The following KIFC3 variants were observed in gnomAD, a reference collection of about 807,000 sequenced individuals.
KIFC3 encodes kinesin-like protein KIFC3.
A neutral mutation model predicts 101.8 loss-of-function variants in KIFC3; 60 were observed. The observed-to-expected ratio is 0.59, with a 90% CI of 0.48 to 0.73. The LOEUF (loss-of-function observed/expected upper bound fraction) is 0.73. Ranked by LOEUF, KIFC3 falls within the 30% of genes least tolerant of loss-of-function variation. KIFC3 has a pLI of 0.00. For missense variants in KIFC3, 966 were observed against 1,137.1 expected, an observed-to-expected ratio of 0.85 and a Z score of 2.16; for synonymous variants, 476 against 482.7, an observed-to-expected ratio of 0.99 and a Z score of 0.18.
rs1320455315 is a variant in KIFC3 at position 57,798,191 on chromosome 16, C to A, written c.53G>T (p.Gly18Val). 3 of 1,543,236 alleles carry A rather than the reference C, an allele frequency of 1.9e-6. No individual in the cohort carries two copies. The highest frequency in any genetic ancestry group is 2.6e-6 in the Non-Finnish European group (3 of 1,144,470). Residue 18 changes from glycine (G) to valine (V), a missense_variant, in exon 2 of 20, where the codon GGC becomes GTC. Gly to Val is a moderately radical substitution (Grantham distance 109, BLOSUM62 -3). This residue lies in a region of KIFC3 where 277 missense variants were observed against 252.5 expected (regional missense o/e 1.10). Transcript: ENST00000445690. ...WNLGATPSLR[G>V]LWRVGRAPEP... is the part of the protein sequence containing the mutation. Reference sequence around the variant, plus strand: ...CGGGGCCCGGCCCACTCTCCACAGGCCCCGCAGCGAGGGCGTGGCTCCCAG... The same window carrying A: ...CGGGGCCCGGCCCACTCTCCACAGGACCCGCAGCGAGGGCGTGGCTCCCAG...
intron 1 of KIFC3, among the ~76,000 whole-genome samples, chr16:57,815,261 T>C (rs1235518637): frequency 2.0e-5 from 3 of 152,074 alleles, no homozygotes; most frequent in Non-Finnish European, 4.4e-5. Context: ...CCTGGATAAA[T>C]GGTGCCCAAG....
chr16:57,778,726 A>G (rs2052399493), intron 3 of KIFC3, among the ~76,000 whole-genome samples: 1 of 152,176 alleles, frequency 6.6e-6, no homozygotes, highest in Admixed American at 6.6e-5. Flanking sequence ...ATGAGATACC[A>G]CTGCACACCT....
Position 57,759,732 on chromosome 16 carries a change from G to C in KIFC3, c.2472C>G (p.Pro824=). ...RPGSIRRKLQ[P]SA is the part of the protein sequence containing the mutation. ...ACACTGCCACTCCAGGCTCACCCGA[G>C]GGCTGCAGCTTCCTCCGGATGGATC... The change falls in exon 18 of 20, where the codon CCC becomes CCG. Residue 824 remains proline (P), a synonymous_variant. Transcript: ENST00000445690. The C allele has an allele frequency of 6.2e-7, 1 of 1,608,874 alleles. No homozygotes were observed. Among genetic ancestry groups the C allele is most frequent in the South Asian group, 1.1e-5 (1 of 90,188 alleles).
intron 3 of KIFC3, among the ~76,000 whole-genome samples, chr16:57,789,109 G>A (rs576548477): frequency 4.3e-4 from 66 of 152,312 alleles, no homozygotes; most frequent in African/African-American, 1.5e-3. Flanking sequence ...TCAACCTCAG[G>A]GCAACTGCTC....
In KIFC3 at chr16:57,802,053, T is replaced by C. The variant is rs145555975; in HGVS notation, c.-40+317A>G. On this transcript the variant is annotated intron_variant, in intron 1 of 19. Transcript: ENST00000445690. The surrounding 1 kb of genome is among the most constrained non-coding windows in gnomAD (Gnocchi z 5.0). ...CAGGAAGGGGAGAGGGCGGCGCCGA[T>C]TGACAAGCCCATCCCGGGTAGGGTC... Among the ~76,000 whole-genome samples the C allele has an allele frequency of 7.0e-3, 1,070 of 152,290 alleles. 11 individuals carry two copies. Among genetic ancestry groups the C allele is most frequent in the African/African-American group, 0.024 (1,018 of 41,576 alleles).
intron 3 of KIFC3, among the ~76,000 whole-genome samples, chr16:57,784,132 G>T (rs2053061533): frequency 1.3e-5 from 2 of 152,248 alleles, no homozygotes; most frequent in African/African-American, 4.8e-5. Flanking sequence ...CCCAGGCAGA[G>T]CCTCCACCAG....
intron 11 of KIFC3, 73 bp downstream of exon 11, chr16:57,765,386 C>A: frequency 7.0e-7 from 1 of 1,436,750 alleles, no homozygotes; most frequent in South Asian, 1.4e-5. Context: ...TCCTGCCCAG[C>A]GCCCCCGCTC....
At chr16:57,772,115 G>GA (rs2051316216) in intron 4 of KIFC3, 108 bp downstream of exon 4, 1 of 890,474 alleles carries the variant, frequency 1.1e-6, no homozygotes, top group East Asian at 2.4e-5. Context: ...GACAGGGTGG[G>GA]ATATGCGGGC....
intron 1 of KIFC3, among the ~76,000 whole-genome samples, chr16:57,823,054 G>T (rs909127804): frequency 3.3e-5 from 5 of 152,154 alleles, no homozygotes; most frequent in Admixed American, 6.5e-5. Context: ...AGAGGGTTTG[G>T]ACAAGCCTCA....
intron 1 of KIFC3, among the ~76,000 whole-genome samples, chr16:57,826,248 T>C (rs1568090710): frequency 6.6e-6 from 1 of 152,238 alleles, no homozygotes; most frequent in Non-Finnish European, 1.5e-5. Flanking sequence ...CTTCACCCTG[T>C]TGGAAAGCTC....
At chr16:57,771,744 A>G in intron 4 of KIFC3, 58 bp from the exon 5 acceptor site, 1 of 1,565,468 alleles carries the variant, frequency 6.4e-7, no homozygotes. Flanking sequence ...CGGGGGAAAG[A>G]AGAGAGGCCC....
chr16:57,802,464 C>G lies in KIFC3; in HGVS notation c.-134G>C, dbSNP rs2054803452. ...AGGAGGCAGCTCCACGCCGCCGCCT[C>G]CTCCTCGGCCAGCCCGCTCGCGCCC... is the stretch of plus-strand genomic sequence containing the variant. On this transcript the variant is annotated 5_prime_UTR_variant, in exon 1 of 20. Transcript: ENST00000445690. The surrounding 1 kb of genome is among the most constrained non-coding windows in gnomAD (Gnocchi z 5.0). 1.9e-5 allele frequency: 19 copies of G among 983,246 alleles called. No homozygotes were observed. Among genetic ancestry groups the G allele is most frequent in the Middle Eastern group, 5.2e-4 (1 of 1,934 alleles). 60.9% of individuals were successfully genotyped at this position (983,246 alleles called of 1,614,324 possible). A position where few individuals can be genotyped will look rare whatever the true frequency, so the allele number is the denominator to read the frequency against.
chr16:57,802,983 T>A (rs1555626091), upstream of KIFC3: 1 of 1,535,676 alleles, frequency 6.5e-7, no homozygotes, highest in Admixed American at 2.0e-5. The surrounding 1 kb of genome is among the most constrained non-coding windows in gnomAD (Gnocchi z 5.0). Flanking sequence ...GTACATCCCT[T>A]ACCGTGTCCT....
At chr16:57,788,557 C>A in intron 3 of KIFC3, 1 of 1,280,276 alleles carries the variant, frequency 7.8e-7, no homozygotes, top group Non-Finnish European at 1.0e-6. Flanking sequence ...GCCGGTTTGG[C>A]GGGCAGGCCT....
chr16:57,858,263 G>T lies in KIFC3; in HGVS notation c.108+4466C>A, dbSNP rs114987560. On this transcript the variant is annotated intron_variant, in intron 1 of 2. Coordinates refer to the KIFC3 transcript ENST00000563028. ...AAATTTAGCTTCTTTTAGTCTCAGAGCCTCATTGCAATCCAAATGTCCATT... is the reference window on the plus strand; with the variant it reads ...AAATTTAGCTTCTTTTAGTCTCAGATCCTCATTGCAATCCAAATGTCCATT... Among the ~76,000 whole-genome samples, 520 of 152,264 alleles carry T rather than the reference G, an allele frequency of 3.4e-3. 4 individuals are homozygous for T. Among genetic ancestry groups the T allele is most frequent in the African/African-American group, 0.011 (472 of 41,556 alleles).
intron 2 of KIFC3, 58 bp from the exon 3 acceptor site, chr16:57,795,199 C>T: frequency 6.3e-7 from 1 of 1,582,112 alleles, no homozygotes; most frequent in Non-Finnish European, 8.6e-7. Flanking sequence ...AGACTGCTAG[C>T]CATGGACCAC....
chr16:57,773,196 C>T (rs2051514679), intron 3 of KIFC3, among the ~76,000 whole-genome samples: 1 of 152,170 alleles, frequency 6.6e-6, no homozygotes, highest in South Asian at 2.1e-4. Context: ...ACCCCCACCT[C>T]GGGAAAGGTG....
At chr16:57,795,283 C>T in intron 2 of KIFC3, 142 bp from the exon 3 acceptor site, 1 of 1,016,152 alleles carries the variant, frequency 9.8e-7, no homozygotes, top group Non-Finnish European at 1.4e-6. Context: ...GGGGCTCACA[C>T]ACCCAAAAAA....
intron 12 of KIFC3, among the ~76,000 whole-genome samples, chr16:57,762,705 A>G (rs886574045): frequency 5.3e-5 from 8 of 152,108 alleles, no homozygotes; most frequent in Non-Finnish European, 1.2e-4. Flanking sequence ...GGAGCGGGCC[A>G]GTGTCCTGGG....
Sources: allele counts gnomAD v4.1 joint callset (sites outside exome capture counted in the v4.1 genomes callset), GRCh38; gene constraint gnomAD v4.1.1; regional missense constraint gnomAD v4.1.1; non-coding constraint Gnocchi (gnomAD v3.1); transcripts MANE v1.5; gene names NCBI Gene and HGNC (gene_info 2026-07-23, HGNC 2026-07-21).